CNKSR2: variants seen among roughly 807,000 people sequenced by gnomAD.
CNKSR2 encodes connector enhancer of kinase suppressor of Ras 2, also known as CNK homolog protein 2.
CNKSR2 carries 14 observed loss-of-function variants against 84.4 expected under a neutral mutation model. That is an observed-to-expected ratio of 0.17 (90% CI 0.11 to 0.26). The LOEUF is 0.26. CNKSR2 is among the 10% of genes least tolerant of loss of function. The probability of loss-of-function intolerance (pLI) is 1.00; values close to 1 mark genes in which losing one functional copy is unlikely to be tolerated. For synonymous variants in CNKSR2, 275 were observed against 277.9 expected (o/e 0.99, Z 0.10); for missense variants, 485 against 771.2 (o/e 0.63, Z 4.40).
At chrX:21,553,557 G>C (rs1365191559) in intron 11 of CNKSR2, among the ~76,000 whole-genome samples, 1 of 109,624 alleles carries the variant, frequency 9.1e-6, no homozygotes, top group Non-Finnish European at 1.9e-5. Context: ...ACTTTGGTCT[G>C]TCTGAAGTTT....
At chrX:21,412,924 A>G (rs1187693053) in intron 1 of CNKSR2, among the ~76,000 whole-genome samples, 4 of 112,013 alleles carry the variant, frequency 3.6e-5, no homozygotes, top group African/African-American at 3.2e-5. Flanking sequence ...CAAACGTACT[A>G]TCTTAACCAT....
intron 12 of CNKSR2, among the ~76,000 whole-genome samples, chrX:21,562,815 G>T (rs948946210): frequency 2.7e-5 from 3 of 110,678 alleles, no homozygotes; most frequent in African/African-American, 9.8e-5. Context: ...ATGCTACCTT[G>T]CATGCCACGG....
chrX:21,452,787 T>G (rs1377423962), intron 4 of CNKSR2, among the ~76,000 whole-genome samples: 1 of 102,475 alleles, frequency 9.8e-6, no homozygotes, highest in Non-Finnish European at 2.0e-5. Flanking sequence ...TTTTATTTTA[T>G]TTTATTTTAT....
intron 1 of CNKSR2, among the ~76,000 whole-genome samples, chrX:21,387,968 C>T (rs745518559): frequency 1.1e-4 from 12 of 109,060 alleles, no homozygotes; most frequent in Middle Eastern, 9.5e-3. Context: ...GGTGTGATCT[C>T]GGCTCACTGC....
chrX:21,449,473 G>A (rs943821544), intron 4 of CNKSR2, among the ~76,000 whole-genome samples: 4 of 110,388 alleles, frequency 3.6e-5, no homozygotes, highest in African/African-American at 1.3e-4. Flanking sequence ...GAAAATTAAC[G>A]AAATGGTTAT....
intron 11 of CNKSR2, chrX:21,532,312 A>C (rs2147124416): frequency 4.4e-6 from 1 of 225,299 alleles, no homozygotes; most frequent in Non-Finnish European, 7.9e-6. Context: ...AATGATTTAT[A>C]AAAATCTTTT....
chrX:21,450,180 G>A lies in CNKSR2; in HGVS notation c.519+9399G>A, dbSNP rs147758067. ...AGTGGGGGACAATAAATGACCTTTTGGATTTTGTCCAAGCACAAAATTCTG... is the reference window on the plus strand; with the variant it reads ...AGTGGGGGACAATAAATGACCTTTTAGATTTTGTCCAAGCACAAAATTCTG... On this transcript the variant is annotated intron_variant, in intron 4 of 21. Coordinates refer to ENST00000379510, the MANE Select transcript of CNKSR2 (RefSeq NM_014927.5). Among the ~76,000 whole-genome samples, 30 of 110,710 alleles carry A rather than the reference G, an allele frequency of 2.7e-4. No homozygotes were observed. The East Asian group carries it at 7.1e-3, about 26-fold the overall frequency.
intron 18 of CNKSR2, among the ~76,000 whole-genome samples, chrX:21,601,626 T>C (rs1167108129): frequency 8.9e-6 from 1 of 112,270 alleles, no homozygotes; most frequent in Non-Finnish European, 1.9e-5. Context: ...AAGTCTATAA[T>C]AGGTCTTATG....
At chrX:21,433,653 T>TACAC (rs56377458) in intron 3 of CNKSR2, among the ~76,000 whole-genome samples, 2,245 of 87,520 alleles carry the variant, frequency 0.026, 31 homozygotes, top group East Asian at 0.043. Flanking sequence ...TATGTGTTCC[T>TACAC]ACACACACAC....
At chrX:21,540,442 C>T (rs191423041) in intron 11 of CNKSR2, among the ~76,000 whole-genome samples, 128 of 111,314 alleles carry the variant, frequency 1.1e-3, no homozygotes, top group African/African-American at 4.1e-3. Context: ...AAAATAGTCC[C>T]ATTACCTGGA....
intron 1 of CNKSR2, 148 bp downstream of exon 1, chrX:21,375,109 C>G: frequency 1.9e-6 from 1 of 519,068 alleles, no homozygotes; most frequent in Non-Finnish European, 3.4e-6. Flanking sequence ...TCCTCCAGGA[C>G]TGGCAGGGGC....
At chrX:21,499,470 G>A (rs932420956) in intron 7 of CNKSR2, among the ~76,000 whole-genome samples, 1 of 111,047 alleles carries the variant, frequency 9.0e-6, no homozygotes, top group African/African-American at 3.3e-5. Context: ...TGAAGAATTG[G>A]TAGGAATGGA....
At chrX:21,477,524 C>G (rs2091272951) in intron 5 of CNKSR2, among the ~76,000 whole-genome samples, 1 of 107,617 alleles carries the variant, frequency 9.3e-6, no homozygotes, top group Non-Finnish European at 1.9e-5. Context: ...GTAATTTTTT[C>G]CTTTCTTTAA....
chrX:21,623,780 T>C (rs1467159108), intron 20 of CNKSR2, among the ~76,000 whole-genome samples: 1 of 111,964 alleles, frequency 8.9e-6, no homozygotes, highest in African/African-American at 3.2e-5. Flanking sequence ...TACAAAATAC[T>C]GCATATTGTC....
chrX:21,436,747 C>T (rs1001314789), intron 3 of CNKSR2, among the ~76,000 whole-genome samples: 3 of 110,745 alleles, frequency 2.7e-5, no homozygotes, highest in Non-Finnish European at 5.7e-5. Flanking sequence ...GCATGCTGAT[C>T]ATGTTCAGTT....
At chrX:21,492,537 AC>A (rs1285730881) in intron 6 of CNKSR2, 1 of 111,579 alleles carries the variant, frequency 9.0e-6, no homozygotes, top group Non-Finnish European at 1.9e-5. Context: ...TAGATGAAGT[AC>A]ATCTGAACAA....
chrX:21,592,276 G>C (rs1413503505), intron 15 of CNKSR2: 1 of 111,565 alleles, frequency 9.0e-6, no homozygotes, highest in African/African-American at 3.3e-5. Context: ...GGCACATACT[G>C]AGTGTTCAAT....
chrX:21,648,884 C>T lies in CNKSR2; in HGVS notation c.2746C>T (p.Leu916=). The change falls in exon 21 of 22, where the codon CTG becomes TTG. Residue 916 remains leucine (L), a synonymous_variant. Transcript: ENST00000379510. ...CTCATTGCAAGATTTATACAGGGCA[C>T]TGGAGCAGGCCAGTCTGTCACCACT... ...GDSLQDLYRA[L]EQASLSPLGE... The T allele has an allele frequency of 8.4e-7, 1 of 1,187,926 alleles. No homozygotes were observed. The highest frequency in any genetic ancestry group is 1.1e-6 in the Non-Finnish European group (1 of 885,748).
At position 21,542,750 on chromosome X, in the gene CNKSR2, T is replaced by G. The variant is rs1031817675; in HGVS notation, c.1303+10683T>G. ...CTTTGTGGCCATGAATGGTCATATTTTATAAGAATAGGAGGAAAACATATC... is the reference window on the plus strand; with the variant it reads ...CTTTGTGGCCATGAATGGTCATATTGTATAAGAATAGGAGGAAAACATATC... On this transcript the variant is annotated intron_variant, in intron 11 of 21. Transcript: ENST00000379510. Among the ~76,000 whole-genome samples the G allele has an allele frequency of 3.6e-5, 4 of 111,903 alleles. No individual in the cohort carries two copies. The East Asian group carries it at 1.1e-3, about 31-fold the overall frequency.
Sources: gnomAD v4.1 joint callset for allele counts (sites outside exome capture counted in the v4.1 genomes callset) on GRCh38, gnomAD v4.1.1 for gene constraint, MANE v1.5 for transcripts, NCBI Gene and HGNC (gene_info 2026-07-23, HGNC 2026-07-21) for gene names.